The following CDHR3 variants were observed in gnomAD, a reference collection of about 807,000 sequenced individuals.
CDHR3 encodes the protein cadherin-related family member 3.
Under a neutral mutation model 86.6 loss-of-function variants are expected in CDHR3, and 79 were observed. The ratio of observed to expected loss-of-function variants is 0.91; its 90% CI spans 0.76 to 1.10. CDHR3 has a LOEUF of 1.10. Ranked by LOEUF, CDHR3 falls within the 50% of genes least tolerant of loss-of-function variation. The pLI is 0.00. For synonymous variants in CDHR3, 421 were observed against 402.4 expected (o/e 1.05, Z -0.55); for missense variants, 1,081 against 1,077.6 (o/e 1.00, Z -0.04).
At chr7:105,999,544 C>T (rs975525807) in intron 6 of CDHR3, among the ~76,000 whole-genome samples, 2 of 152,158 alleles carry the variant, frequency 1.3e-5, no homozygotes, top group Non-Finnish European at 2.9e-5. Flanking sequence ...AGCTGTCTCC[C>T]CTAGTTGTGA....
intron 5 of CDHR3, among the ~76,000 whole-genome samples, chr7:105,995,352 C>G (rs1664869337): frequency 6.6e-6 from 1 of 152,192 alleles, no homozygotes; most frequent in Admixed American, 6.5e-5. Flanking sequence ...ATTAAACATT[C>G]CACATCAAAC....
intron 15 of CDHR3, among the ~76,000 whole-genome samples, chr7:106,026,383 A>C (rs1393854952): frequency 6.6e-6 from 1 of 152,208 alleles, no homozygotes; most frequent in Non-Finnish European, 1.5e-5. Flanking sequence ...TAGGGCAGGC[A>C]TGTCCTCACC....
At chr7:106,013,201 C>G (rs993577094) in intron 9 of CDHR3, among the ~76,000 whole-genome samples, 170 bp downstream of exon 9, 2 of 152,140 alleles carry the variant, frequency 1.3e-5, no homozygotes, top group African/African-American at 4.8e-5. Flanking sequence ...TTTATTTTAC[C>G]CTGGTTCCAG....
In CDHR3 at chr7:106,032,532, G is replaced by A. The variant is rs769700850; in HGVS notation, c.2493G>A (p.Gly831=). 6.2e-6 allele frequency: 10 copies of A among 1,613,872 alleles called. No individual in the cohort carries two copies. The South Asian group carries it at 9.9e-5, about 16-fold the overall frequency. Residue 831 remains glycine (G), a synonymous_variant, in exon 19 of 19, where the codon GGG becomes GGA. Transcript: ENST00000317716. Reference sequence around the variant, plus strand: ...GAGTCACTGCTGGGGAAGGGATGGGGTCACTGAGAAGTGCCAACTGGGAAG... The same window carrying A: ...GAGTCACTGCTGGGGAAGGGATGGGATCACTGAGAAGTGCCAACTGGGAAG... ...PRRVTAGEGM[G]SLRSANWEED...
At position 106,020,484 on chromosome 7, in the gene CDHR3, A is replaced by G. The variant is rs762882697; in HGVS notation, c.1765A>G (p.Lys589Glu). ...LKVGTNIQNF[K>E]LTCTDLDSSP... is the part of the protein sequence containing the mutation. ...AGTTGGCACAAATATTCAGAATTTC[A>G]AGCTGACATGTACCGACCTTGATTC... Residue 589 changes from lysine to glutamate, a missense_variant, in exon 13 of 19, where the codon AAG (lysine) becomes GAG (glutamate). By Grantham distance (56) the Lys-to-Glu change is moderately conservative. Coordinates refer to ENST00000317716, the MANE Select transcript of CDHR3 (RefSeq NM_152750.5). 1 of 1,614,026 alleles carries G rather than the reference A, an allele frequency of 6.2e-7. No individual in the cohort carries two copies. The highest frequency in any genetic ancestry group is 1.1e-5 in the South Asian group (1 of 91,090).
Position 105,996,235 on chromosome 7 carries a change from A to G in CDHR3, c.609-15A>G. Reference sequence around the variant, plus strand: ...GCAAAGCTTGATTCTCTCACGTGGAATGTTTCCCTGGCAGTTTCCATCTCA... The same window carrying G: ...GCAAAGCTTGATTCTCTCACGTGGAGTGTTTCCCTGGCAGTTTCCATCTCA... On this transcript the variant is annotated splice_polypyrimidine_tract_variant and intron_variant, in intron 5 of 18. Coordinates refer to ENST00000317716, the MANE Select transcript of CDHR3 (RefSeq NM_152750.5). 6.9e-7 allele frequency: 1 copy of G among 1,440,608 alleles called. No individual in the cohort carries two copies. Among genetic ancestry groups the G allele is most frequent in the Non-Finnish European group, 9.7e-7 (1 of 1,026,352 alleles). The allele number at this position is 1,440,608 out of a possible 1,614,324, so 89.2% of individuals were successfully genotyped here.
Position 105,973,203 on chromosome 7 carries a change from C to T in CDHR3, c.47-1641C>T, listed in dbSNP as rs750249064. Among the ~76,000 whole-genome samples, 6 of 152,206 alleles carry T rather than the reference C, an allele frequency of 3.9e-5. No individual in the cohort carries two copies. The South Asian group carries it at 8.3e-4, about 21-fold the overall frequency. ...TATTTATTATTTGCTGTGTGGATTTCAGCTCAGTTTCCCCATCTGTAAAAT... is the reference window on the plus strand; with the variant it reads ...TATTTATTATTTGCTGTGTGGATTTTAGCTCAGTTTCCCCATCTGTAAAAT... On this transcript the variant is annotated intron_variant, in intron 1 of 18. Coordinates refer to ENST00000317716, the MANE Select transcript of CDHR3 (RefSeq NM_152750.5).
intron 8 of CDHR3, among the ~76,000 whole-genome samples, chr7:106,010,291 C>T (rs898200602): frequency 2.6e-5 from 4 of 152,160 alleles, no homozygotes; most frequent in Non-Finnish European, 2.9e-5. Flanking sequence ...TGAAAATGCT[C>T]GGAACCACTC....
At chr7:105,997,831 C>T (rs1164657190) in intron 6 of CDHR3, among the ~76,000 whole-genome samples, 1 of 152,050 alleles carries the variant, frequency 6.6e-6, no homozygotes, top group African/African-American at 2.4e-5. Context: ...CCCTCGCTGG[C>T]GTGGGATGCA....
intron 8 of CDHR3, among the ~76,000 whole-genome samples, chr7:106,008,113 G>C (rs1439811066): frequency 6.6e-6 from 1 of 152,168 alleles, no homozygotes; most frequent in African/African-American, 2.4e-5. Context: ...GCACAGGAAA[G>C]ACTTGCCACC....
intron 6 of CDHR3, among the ~76,000 whole-genome samples, chr7:105,998,688 A>G (rs888042777): frequency 6.6e-6 from 1 of 152,104 alleles, no homozygotes; most frequent in Admixed American, 6.5e-5. Context: ...GGAAGCTGAG[A>G]CAGGAGAATC....
At position 106,034,578 on chromosome 7, in the gene CDHR3, G is replaced by A. The variant is rs1221937392; in HGVS notation, c.*1881G>A. Among the ~76,000 whole-genome samples, 1 of 152,214 alleles carries A rather than the reference G, an allele frequency of 6.6e-6. No individual in the cohort carries two copies. The highest frequency in any genetic ancestry group is 1.5e-5 in the Non-Finnish European group (1 of 68,030). ...TGGTTGCCAGGGAACTCCCTTGAAT[G>A]GATTTAAACTTTGCAAAAGAAGGCA... On this transcript the variant is annotated 3_prime_UTR_variant, in exon 19 of 19. Coordinates refer to ENST00000317716, the MANE Select transcript of CDHR3 (RefSeq NM_152750.5).
chr7:106,007,027 G>C (rs532983313), intron 8 of CDHR3, among the ~76,000 whole-genome samples: 1 of 152,340 alleles, frequency 6.6e-6, no homozygotes, highest in East Asian at 1.9e-4. Flanking sequence ...CTTCTGTGCA[G>C]CCGCAGGCTC....
chr7:105,996,180 T>G (rs2115757785), intron 5 of CDHR3, 70 bp from the exon 6 acceptor site: 1 of 838,406 alleles, frequency 1.2e-6, no homozygotes, highest in East Asian at 2.7e-5. Flanking sequence ...CACCCCATGA[T>G]TTTCCCCATC....
intron 16 of CDHR3, 115 bp downstream of exon 16, chr7:106,026,810 C>T (rs1837423872): frequency 9.3e-7 from 1 of 1,072,052 alleles, no homozygotes; most frequent in Non-Finnish European, 1.4e-6. Context: ...GGAGCATTTT[C>T]AGCTGCATCT....
At chr7:106,028,631 G>A (rs1352036611) in intron 17 of CDHR3, 49 bp downstream of exon 17, 1 of 1,605,962 alleles carries the variant, frequency 6.2e-7, no homozygotes. Context: ...GGGGGATAGG[G>A]GCTCCCGTCT....
intron 16 of CDHR3, among the ~76,000 whole-genome samples, chr7:106,027,238 A>G (rs552728984): frequency 1.3e-5 from 2 of 152,108 alleles, no homozygotes; most frequent in Non-Finnish European, 2.9e-5. Context: ...TCTACTAAAA[A>G]TACAAAAAAT....
At chr7:105,965,900 G>GT (rs1489997373) in intron 1 of CDHR3, among the ~76,000 whole-genome samples, 4 of 152,074 alleles carry the variant, frequency 2.6e-5, no homozygotes, top group Non-Finnish European at 2.9e-5. Flanking sequence ...GTCTGGTATG[G>GT]TTTTTTCCCC....
rs1837813172 is a variant in CDHR3 at position 106,028,920 on chromosome 7, CTTTCTT to C, written c.2304+340_2304+345del. 4.9e-5 allele frequency among the ~76,000 whole-genome samples: 3 copies of C among 60,660 alleles called. 1 individual carries two copies. The highest frequency in any genetic ancestry group is 2.2e-4 in the African/African-American group (3 of 13,382). 39.8% of individuals were successfully genotyped at this position (60,660 alleles called of 152,430 possible). A position where few individuals can be genotyped will look rare whatever the true frequency, so the allele number is the denominator to read the frequency against. ...CAGCCTCCAGTGAGATTTAAATTTT[CTTTCTT>C]TCTTTCTTTCTTTCTTTCTTTCTTT... On this transcript the variant is annotated intron_variant, in intron 17 of 18. Transcript: ENST00000317716.
Sources: gnomAD v4.1 joint callset for allele counts (sites outside exome capture counted in the v4.1 genomes callset) on GRCh38, gnomAD v4.1.1 for gene constraint, MANE v1.5 for transcripts, NCBI Gene and HGNC (gene_info 2026-07-23, HGNC 2026-07-21) for gene names.